Variants in CSMD1 observed in about 807,000 individuals in gnomAD.
CSMD1 encodes CUB and sushi domain-containing protein 1.
In CSMD1, 213 loss-of-function variants were observed where a neutral mutation model predicts 417.5. The ratio of observed to expected loss-of-function variants is 0.51; its 90% CI spans 0.46 to 0.57. The LOEUF is 0.57. Among genes scored for constraint, CSMD1 ranks in the 20% least tolerant of loss-of-function variants. The pLI, the probability that CSMD1 is intolerant of heterozygous loss-of-function variation, is 0.00. For synonymous variants in CSMD1, 2,862 were observed against 1,736.8 expected (o/e 1.65, Z -16.11); for missense variants, 6,923 against 4,529.7 (o/e 1.53, Z -15.17).
At chr8:3,439,276 T>C (rs1814792165) in intron 12 of CSMD1, among the ~76,000 whole-genome samples, 1 of 101,588 alleles carries the variant, frequency 9.8e-6, no homozygotes, top group South Asian at 3.5e-4. Flanking sequence ...CATTTGGCAA[T>C]GTCAGTATAT....
chr8:3,774,603 G>C (rs1156629444), intron 5 of CSMD1, among the ~76,000 whole-genome samples: 1 of 152,222 alleles, frequency 6.6e-6, no homozygotes, highest in East Asian at 1.9e-4. Context: ...ATCTTCAGTT[G>C]GGAACCTGTT....
chr8:4,911,052 C>T (rs9644379), intron 1 of CSMD1, among the ~76,000 whole-genome samples: 20,616 of 152,210 alleles, frequency 0.14, 1,547 homozygotes, highest in East Asian at 0.3. Flanking sequence ...ATGTGACTTG[C>T]TCCTCCTTGC....
At chr8:3,170,920 C>T (rs1820544549) in intron 37 of CSMD1, among the ~76,000 whole-genome samples, 1 of 152,160 alleles carries the variant, frequency 6.6e-6, no homozygotes, top group Non-Finnish European at 1.5e-5. Context: ...CTAGTTGCCA[C>T]ATGATTTAGA....
intron 28 of CSMD1, among the ~76,000 whole-genome samples, chr8:3,220,528 G>C (rs748781462): frequency 1.3e-5 from 2 of 152,156 alleles, no homozygotes; most frequent in Non-Finnish European, 2.9e-5. Context: ...TGATAAAGTA[G>C]AAGTATTAAA....
At chr8:4,215,582 A>G (rs1451397764) in intron 3 of CSMD1, among the ~76,000 whole-genome samples, 1 of 152,110 alleles carries the variant, frequency 6.6e-6, no homozygotes, top group Non-Finnish European at 1.5e-5. Flanking sequence ...TTTTTCCCTA[A>G]AATTTATACA....
At chr8:4,396,850 G>T (rs558977670) in intron 3 of CSMD1, among the ~76,000 whole-genome samples, 1 of 152,034 alleles carries the variant, frequency 6.6e-6, no homozygotes, top group East Asian at 1.9e-4. Flanking sequence ...AAAGGCATAA[G>T]AATGATACAA....
intron 12 of CSMD1, among the ~76,000 whole-genome samples, chr8:3,434,818 A>C (rs913014510): frequency 6.6e-6 from 1 of 152,302 alleles, no homozygotes; most frequent in Middle Eastern, 3.4e-3. Flanking sequence ...CTATATTTCT[A>C]TGAGTCAGAG....
intron 31 of CSMD1, among the ~76,000 whole-genome samples, chr8:3,203,972 G>C (rs1458625581): frequency 1.3e-5 from 2 of 152,210 alleles, no homozygotes; most frequent in Non-Finnish European, 2.9e-5. Flanking sequence ...ACATGGACCA[G>C]ATTCCTTTCA....
chr8:4,553,965 C>A (rs1213893401), intron 2 of CSMD1, among the ~76,000 whole-genome samples: 3 of 152,156 alleles, frequency 2.0e-5, no homozygotes, highest in Non-Finnish European at 4.4e-5. Flanking sequence ...GCCTGTCACG[C>A]TGATGTCTGC....
rs377540540 is a variant in CSMD1, at chr8:3,787,027, G to C, written c.819-32985C>G. Among the ~76,000 whole-genome samples, 61 of 152,248 alleles carry C rather than the reference G, an allele frequency of 4.0e-4. 1 individual carries two copies. In the South Asian group the frequency reaches 0.011, roughly 26 times the overall value. On this transcript the variant is annotated intron_variant, in intron 5 of 69. Transcript: ENST00000635120. ...GGTCAGGATCTGAAGTCTAACTTAA[G>C]TAACTTCTATGTGTGAAGTGTCATA... is the stretch of plus-strand genomic sequence containing the variant.
chr8:3,963,909 G>A (rs529985335), intron 5 of CSMD1, among the ~76,000 whole-genome samples: 2 of 152,176 alleles, frequency 1.3e-5, no homozygotes, highest in South Asian at 2.1e-4. Context: ...CTAACTCATT[G>A]TATCCCAAAT....
chr8:3,479,813 G>C (rs561947569), intron 11 of CSMD1, among the ~76,000 whole-genome samples: 2 of 151,768 alleles, frequency 1.3e-5, no homozygotes, highest in Admixed American at 1.3e-4. Flanking sequence ...TTAAAGCCAG[G>C]TCGCTTAAAA....
intron 3 of CSMD1, among the ~76,000 whole-genome samples, chr8:4,287,361 C>A (rs185210131): frequency 9.9e-4 from 151 of 152,248 alleles, no homozygotes; most frequent in Middle Eastern, 3.4e-3. Context: ...AGAAAGCACA[C>A]AATCTAGAGG....
chr8:3,099,042 G>C (rs2129011779), intron 46 of CSMD1, among the ~76,000 whole-genome samples: 1 of 151,504 alleles, frequency 6.6e-6, no homozygotes, highest in East Asian at 1.9e-4. Context: ...AAACCCCTCT[G>C]TACTGCCCAC....
intron 2 of CSMD1, among the ~76,000 whole-genome samples, chr8:4,544,578 T>C (rs763120930): frequency 1.3e-5 from 2 of 152,144 alleles, no homozygotes; most frequent in Non-Finnish European, 2.9e-5. Flanking sequence ...AAAATTTATA[T>C]ATTAATCTTA....
chr8:3,317,079 G>C (rs1228221579), intron 23 of CSMD1, among the ~76,000 whole-genome samples: 6 of 152,258 alleles, frequency 3.9e-5, no homozygotes, highest in South Asian at 2.1e-4. Context: ...GTAGATGATA[G>C]ATGGGGTCTG....
At chr8:4,133,977 G>A (rs1039536298) in intron 3 of CSMD1, among the ~76,000 whole-genome samples, 8 of 151,754 alleles carry the variant, frequency 5.3e-5, no homozygotes, top group Admixed American at 3.3e-4. Context: ...TTTAAACTTC[G>A]GTTTTCTTAT....
intron 26 of CSMD1, among the ~76,000 whole-genome samples, chr8:3,268,613 G>T (rs1791107251): frequency 1.3e-5 from 2 of 151,884 alleles, no homozygotes; most frequent in Admixed American, 1.3e-4. Context: ...TGTTTGTCTT[G>T]GTGACTGGCA....
intron 3 of CSMD1, among the ~76,000 whole-genome samples, chr8:4,034,102 GA>G (rs1454259187): frequency 8.5e-5 from 13 of 152,198 alleles, no homozygotes; most frequent in Non-Finnish European, 1.8e-4. Flanking sequence ...TTAATGTATT[GA>G]TATAATGTAG....
Sources: gnomAD v4.1 joint callset for allele counts (sites outside exome capture counted in the v4.1 genomes callset) on GRCh38, gnomAD v4.1.1 for gene constraint, MANE v1.5 for transcripts, NCBI Gene and HGNC (gene_info 2026-07-23, HGNC 2026-07-21) for gene names.